The following SBF2 variants were observed in gnomAD, a reference collection of about 807,000 sequenced individuals.
SBF2 encodes the protein myotubularin-related protein 13.
A neutral mutation model predicts 225.2 loss-of-function variants in SBF2; 112 were observed. That is an observed-to-expected ratio of 0.50 (90% CI 0.43 to 0.58). The LOEUF is 0.58. Among genes scored for constraint, SBF2 ranks in the 20% least tolerant of loss-of-function variants. The pLI, the probability that SBF2 is intolerant of heterozygous loss-of-function variation, is 0.00. For synonymous variants in SBF2, 763 were observed against 773.3 expected (o/e 0.99, Z 0.22); for missense variants, 1,996 against 2,206.2 (o/e 0.90, Z 1.91).
At chr11:10,300,031 G>C (rs1964579720) in intron 1 of SBF2, among the ~76,000 whole-genome samples, 1 of 151,964 alleles carries the variant, frequency 6.6e-6, no homozygotes, top group Admixed American at 6.6e-5. Flanking sequence ...TATCAAACAG[G>C]ACTCCTTTCA....
At position 9,784,758 on chromosome 11, in the gene SBF2, C is replaced by G. The variant is rs113960039; in HGVS notation, c.5232-320G>C. Among the ~76,000 whole-genome samples, 219 of 152,290 alleles carry G rather than the reference C, an allele frequency of 1.4e-3. 1 individual carries two copies. Among genetic ancestry groups the G allele is most frequent in the Middle Eastern group, 6.8e-3 (2 of 292 alleles). ...ATACTGTGTGAGAAGCTAGCATACC[C>G]TTGGCTGTCCTAGCTTATGTGAGTA... On this transcript the variant is annotated intron_variant, in intron 37 of 39. Transcript: ENST00000256190.
chr11:9,803,574 A>G (rs550870530), intron 32 of SBF2, among the ~76,000 whole-genome samples: 2 of 152,258 alleles, frequency 1.3e-5, no homozygotes, highest in Admixed American at 1.3e-4. Context: ...AGGACAGTGT[A>G]TCTTACATGA....
At chr11:10,209,917 TC>T (rs1442282966) in intron 1 of SBF2, among the ~76,000 whole-genome samples, 2 of 152,142 alleles carry the variant, frequency 1.3e-5, no homozygotes, top group Non-Finnish European at 2.9e-5. Context: ...GGTTCATCAC[TC>T]CACTATCTAC....
intron 16 of SBF2, among the ~76,000 whole-genome samples, chr11:9,926,812 C>T (rs944992951): frequency 6.6e-6 from 1 of 151,988 alleles, no homozygotes; most frequent in Non-Finnish European, 1.5e-5. Context: ...GGTTTCAAAT[C>T]AATCACATTA....
intron 2 of SBF2, among the ~76,000 whole-genome samples, chr11:10,185,322 A>AT (rs1351786610): frequency 6.6e-6 from 1 of 151,898 alleles, no homozygotes; most frequent in African/African-American, 2.4e-5. Flanking sequence ...TTTATTTTCA[A>AT]TTTTTTTTGA....
chr11:10,044,014 AT>A (rs1397969925), intron 2 of SBF2, among the ~76,000 whole-genome samples: 43 of 152,362 alleles, frequency 2.8e-4, no homozygotes, highest in African/African-American at 9.6e-4. Flanking sequence ...AAAAATTTCT[AT>A]CATTGAATGC....
intron 1 of SBF2, among the ~76,000 whole-genome samples, chr11:10,216,762 C>A (rs974360372): frequency 3.9e-5 from 6 of 151,992 alleles, no homozygotes; most frequent in Non-Finnish European, 7.4e-5. Context: ...CCCAGCTACT[C>A]GTGAGGCTGA....
At chr11:9,881,974 T>A (rs1340792651) in intron 17 of SBF2, among the ~76,000 whole-genome samples, 2 of 152,100 alleles carry the variant, frequency 1.3e-5, no homozygotes, top group Non-Finnish European at 2.9e-5. Context: ...GGTGATAGAG[T>A]GAGACCTTGT....
chr11:9,870,893 G>A (rs1434856570), intron 17 of SBF2, among the ~76,000 whole-genome samples: 2 of 151,038 alleles, frequency 1.3e-5, no homozygotes, highest in African/African-American at 4.9e-5. Context: ...AGAATCGCCT[G>A]AACCCAGGAG....
intron 17 of SBF2, among the ~76,000 whole-genome samples, chr11:9,860,281 G>GAAA (rs1857627875): frequency 4.8e-5 from 2 of 41,374 alleles, no homozygotes; most frequent in Admixed American, 4.9e-4. Context: ...TTTTTTTTTT[G>GAAA]AGACAAGGTC....
At chr11:9,803,576 C>G (rs1853614842) in intron 32 of SBF2, among the ~76,000 whole-genome samples, 1 of 152,084 alleles carries the variant, frequency 6.6e-6, no homozygotes, top group African/African-American at 2.4e-5. Context: ...GACAGTGTAT[C>G]TTACATGAGA....
intron 1 of SBF2, among the ~76,000 whole-genome samples, chr11:10,249,257 T>C (rs867450415): frequency 6.6e-6 from 1 of 152,182 alleles, no homozygotes; most frequent in South Asian, 2.1e-4. Context: ...TAAAGGGTTA[T>C]AAAAGGTTTA....
intron 2 of SBF2, among the ~76,000 whole-genome samples, chr11:10,142,435 G>T (rs908068904): frequency 6.6e-6 from 1 of 152,166 alleles, no homozygotes; most frequent in African/African-American, 2.4e-5. Context: ...GCCACGGGTT[G>T]TAAGAATAAC....
chr11:10,111,640 C>T (rs780708763), intron 2 of SBF2, among the ~76,000 whole-genome samples: 18 of 152,158 alleles, frequency 1.2e-4, no homozygotes, highest in East Asian at 1.9e-4. Context: ...CTTTGGGAGA[C>T]GGAGGTGGGC....
Position 10,270,165 on chromosome 11 carries a change from G to GT in SBF2, c.55+23849dup, listed in dbSNP as rs199864388. On this transcript the variant is annotated intron_variant, in intron 1 of 39. Transcript: ENST00000256190. Reference sequence around the variant, plus strand: ...TGTAGTTAATAAAAATTGATGTTATGTTTTATATATACAAAGTTGTCCCTG... The same window carrying GT: ...TGTAGTTAATAAAAATTGATGTTATGTTTTTATATATACAAAGTTGTCCCTG... Among the ~76,000 whole-genome samples the GT allele has an allele frequency of 8.5e-3, 1,295 of 152,050 alleles. 22 individuals carry two copies. Among genetic ancestry groups the GT allele is most frequent in the African/African-American group, 0.03 (1,232 of 41,502 alleles).
chr11:10,051,672 A>T (rs1450994140), intron 2 of SBF2, among the ~76,000 whole-genome samples: 1 of 152,148 alleles, frequency 6.6e-6, no homozygotes, highest in East Asian at 1.9e-4. Flanking sequence ...CATAGTTTAT[A>T]GGAAATTTTG....
At chr11:9,823,371 G>A (rs1854882154) in intron 28 of SBF2, among the ~76,000 whole-genome samples, 2 of 151,978 alleles carry the variant, frequency 1.3e-5, no homozygotes, top group Non-Finnish European at 2.9e-5. Flanking sequence ...CATCAGACCA[G>A]GAGAGACACA....
chr11:9,995,677 T>C (rs1350359333), intron 9 of SBF2, among the ~76,000 whole-genome samples: 1 of 151,068 alleles, frequency 6.6e-6, no homozygotes, highest in Non-Finnish European at 1.5e-5. Flanking sequence ...TGAGACAGAG[T>C]TTTGCTGTTG....
chr11:9,964,718 G>A (rs1324538892), intron 14 of SBF2, among the ~76,000 whole-genome samples: 1 of 152,106 alleles, frequency 6.6e-6, no homozygotes, highest in South Asian at 2.1e-4. Context: ...GAAAATTCTA[G>A]TGTATTACCT....
Sources: allele counts gnomAD v4.1 joint callset (sites outside exome capture counted in the v4.1 genomes callset), GRCh38; gene constraint gnomAD v4.1.1; transcripts MANE v1.5; gene names NCBI Gene and HGNC (gene_info 2026-07-23, HGNC 2026-07-21).